INVS: variants seen among roughly 807,000 people sequenced by gnomAD.
INVS encodes inversion of embryo turning homolog.
In INVS, 86 loss-of-function variants were observed where a neutral mutation model predicts 108.8. The ratio of observed to expected loss-of-function variants is 0.79; its 90% CI spans 0.66 to 0.95. INVS has a LOEUF of 0.95. Ranked by LOEUF, INVS falls within the 40% of genes least tolerant of loss-of-function variation. The pLI, the probability that INVS is intolerant of heterozygous loss-of-function variation, is 0.00. For synonymous variants in INVS, 455 were observed against 473.5 expected, an observed-to-expected ratio of 0.96 and a Z score of 0.51; for missense variants, 1,169 against 1,297.4, an observed-to-expected ratio of 0.90 and a Z score of 1.52.
At chr9:100,218,049 A>G (rs1022924823) in intron 3 of INVS, among the ~76,000 whole-genome samples, 5 of 152,024 alleles carry the variant, frequency 3.3e-5, no homozygotes, top group Non-Finnish European at 7.4e-5. Context: ...TTCCATTTCA[A>G]TTTTAAGTAA....
rs543587369 is a variant in INVS at position 100,207,493 on chromosome 9, G to A, written c.274-18569G>A. The stretch of plus-strand genomic sequence containing the variant: ...TTTTTAGTAGAGATGGGGTTTCGTC[G>A]TGTTGGCCAGGCTAATCTCAAACTC... On this transcript the variant is annotated intron_variant, in intron 3 of 16. Transcript: ENST00000262457. Among the ~76,000 whole-genome samples, 154 of 151,902 alleles carry A rather than the reference G, an allele frequency of 1.0e-3. 5 individuals are homozygous for A. In the South Asian group the frequency reaches 0.029, roughly 29 times the overall value.
chr9:100,148,369 C>T (rs997501020), intron 3 of INVS, among the ~76,000 whole-genome samples: 1 of 151,854 alleles, frequency 6.6e-6, no homozygotes, highest in Non-Finnish European at 1.5e-5. Flanking sequence ...GCATTTTATG[C>T]AAAAATTTTA....
chr9:100,295,890 T>C (rs1244880775), intron 14 of INVS, among the ~76,000 whole-genome samples: 1 of 152,168 alleles, frequency 6.6e-6, no homozygotes. Context: ...AACTGAATTA[T>C]AGCGCGGTAG....
At chr9:100,131,820 T>A in intron 3 of INVS, 1 of 607,882 alleles carries the variant, frequency 1.6e-6, no homozygotes, top group Non-Finnish European at 2.1e-6. Flanking sequence ...TTTTTTTAAA[T>A]TCATAAATAA....
intron 10 of INVS, among the ~76,000 whole-genome samples, chr9:100,254,268 AT>A: frequency 6.6e-6 from 1 of 151,416 alleles, no homozygotes; most frequent in African/African-American, 2.4e-5. Context: ...GGGTTGTTTG[AT>A]TTTTTTCTTG....
At chr9:100,176,094 G>A (rs557250966) in intron 3 of INVS, 120 of 469,830 alleles carry the variant, frequency 2.6e-4, no homozygotes, top group South Asian at 1.5e-3. Context: ...TTCAGTCTGG[G>A]CACTGGCTGA....
intron 3 of INVS, among the ~76,000 whole-genome samples, chr9:100,188,104 A>C (rs1412021848): frequency 6.6e-6 from 1 of 152,198 alleles, no homozygotes; most frequent in Non-Finnish European, 1.5e-5. Flanking sequence ...TTGTAGGTGT[A>C]CAATCATATC....
Position 100,154,562 on chromosome 9 carries a change from A to G in INVS, c.273+28013A>G, listed in dbSNP as rs966179947. On this transcript the variant is annotated intron_variant, in intron 3 of 16. Coordinates refer to ENST00000262457, the MANE Select transcript of INVS (RefSeq NM_014425.5). ...ATGCATCTGTAAGAAGTAATGAGAA[A>G]TGTTTTTATATAACATTATAAAATG... 5.3e-5 allele frequency among the ~76,000 whole-genome samples: 8 copies of G among 151,988 alleles called. No homozygotes were observed. In the East Asian group the frequency reaches 5.8e-4, roughly 11 times the overall value.
intron 3 of INVS, chr9:100,175,322 G>C (rs1389076290): frequency 4.1e-6 from 3 of 728,562 alleles, no homozygotes; most frequent in Admixed American, 3.5e-5. Context: ...GCCTCACACA[G>C]AGTCTGGACA....
In INVS at chr9:100,175,725, C is replaced by T. The variant is rs192695811; in HGVS notation, c.273+49176C>T. The T allele has an allele frequency of 9.4e-5, 59 of 624,648 alleles. No homozygotes were observed. In the East Asian group the frequency reaches 2.0e-3, roughly 21 times the overall value. 38.7% of individuals were successfully genotyped at this position (624,648 alleles called of 1,614,324 possible). A position where few individuals can be genotyped will look rare whatever the true frequency, so the allele number is the denominator to read the frequency against. On this transcript the variant is annotated intron_variant, in intron 3 of 16. Transcript: ENST00000262457. Reference sequence around the variant, plus strand: ...GAACATGTCTGGGAACCTTTCAATGCAGAGCAACCAGACCTGTAGCAGTTC... The same window carrying T: ...GAACATGTCTGGGAACCTTTCAATGTAGAGCAACCAGACCTGTAGCAGTTC...
intron 3 of INVS, chr9:100,130,409 A>G (rs1023649724): frequency 1.3e-5 from 2 of 152,200 alleles, no homozygotes; most frequent in Non-Finnish European, 2.9e-5. Flanking sequence ...GATTGCTATT[A>G]TAGTTCAGGC....
At chr9:100,209,887 C>A (rs1204767626) in intron 3 of INVS, among the ~76,000 whole-genome samples, 1 of 151,886 alleles carries the variant, frequency 6.6e-6, no homozygotes, top group African/African-American at 2.4e-5. Flanking sequence ...ATCTTTTGGG[C>A]TTCAGTGTCC....
At chr9:100,299,234 C>A (rs2118791287) in intron 16 of INVS, among the ~76,000 whole-genome samples, 1 of 152,226 alleles carries the variant, frequency 6.6e-6, no homozygotes, top group East Asian at 1.9e-4. Context: ...ATAAAATGAT[C>A]TTTTCCTAAC....
chr9:100,162,134 A>G (rs1340542773), intron 3 of INVS, among the ~76,000 whole-genome samples: 1 of 152,236 alleles, frequency 6.6e-6, no homozygotes, highest in Non-Finnish European at 1.5e-5. Flanking sequence ...AGCACAATCA[A>G]CTAGAGTTCA....
chr9:100,102,470 T>C (rs188831326), intron 1 of INVS: 19 of 152,332 alleles, frequency 1.2e-4, no homozygotes, highest in Admixed American at 1.2e-3. Context: ...TAGGTATATT[T>C]TCCTGGTGGA....
intron 3 of INVS, among the ~76,000 whole-genome samples, chr9:100,192,407 G>A (rs6479004): frequency 0.19 from 29,333 of 151,942 alleles, 4,516 homozygotes; most frequent in African/African-American, 0.43. Flanking sequence ...ATTATATTCT[G>A]TTGCACAAAT....
intron 3 of INVS, among the ~76,000 whole-genome samples, chr9:100,215,216 A>C (rs191877421): frequency 2.6e-4 from 40 of 152,308 alleles, no homozygotes; most frequent in African/African-American, 8.9e-4. Context: ...ACCCAAATTA[A>C]GCTTGAATCT....
chr9:100,227,485 G>A (rs947290031), intron 4 of INVS, among the ~76,000 whole-genome samples: 1 of 150,770 alleles, frequency 6.6e-6, no homozygotes, highest in African/African-American at 2.5e-5. Flanking sequence ...TAATAGGGAA[G>A]CCAGTCTTAT....
At position 100,126,420 on chromosome 9, in the gene INVS, G is replaced by A; in HGVS notation, c.144G>A (p.Gly48=). 1 of 1,614,070 alleles carries A rather than the reference G, an allele frequency of 6.2e-7. No homozygotes were observed. The highest frequency in any genetic ancestry group is 8.5e-7 in the Non-Finnish European group (1 of 1,179,932). ...TTAAAGACAAAGAAGATCAGTTTGG[G>A]AGAACACCACTTATGTATTGCGTGT... The part of the protein sequence containing the change: ...SALKDKEDQF[G]RTPLMYCVLA... Residue 48 remains glycine (G), a synonymous_variant, in exon 3 of 17, where the codon GGG becomes GGA. Coordinates refer to ENST00000262457, the MANE Select transcript of INVS (RefSeq NM_014425.5).
Sources: gnomAD v4.1 joint callset for allele counts (sites outside exome capture counted in the v4.1 genomes callset) on GRCh38, gnomAD v4.1.1 for gene constraint, MANE v1.5 for transcripts, NCBI Gene and HGNC (gene_info 2026-07-23, HGNC 2026-07-21) for gene names.